Variants in AHI1 observed in about 807,000 individuals in gnomAD.
The protein encoded by AHI1 is jouberin.
In AHI1, 123 loss-of-function variants were observed where a neutral mutation model predicts 149.3. The observed-to-expected ratio is 0.82, with a 90% confidence interval of 0.71 to 0.96. AHI1 has a LOEUF of 0.96. AHI1 is among the 40% of genes least tolerant of loss of function. The pLI is 0.00. For missense variants in AHI1, 1,439 were observed against 1,422.7 expected, an observed-to-expected ratio of 1.01 and a Z score of -0.18; for synonymous variants, 475 against 459.8, an observed-to-expected ratio of 1.03 and a Z score of -0.42.
Position 135,455,853 on chromosome 6 carries a change from C to T in AHI1, c.1225G>A (p.Asp409Asn). The T allele has an allele frequency of 6.3e-7, 1 of 1,597,804 alleles. No homozygotes were observed. ...AGTCTTGATTTTAACTGTTTAAAATCATATGGCTGGGTCATAATAGGAAGA... is the reference window on the plus strand; with the variant it reads ...AGTCTTGATTTTAACTGTTTAAAATTATATGGCTGGGTCATAATAGGAAGA... The part of the protein sequence containing the change: ...YILPIMTQPY[D>N]FKQLKSRLPE... Residue 409 changes from aspartate (D) to asparagine (N), a missense_variant, in exon 10 of 29, where the codon GAT becomes AAT. Coordinates refer to ENST00000265602, the MANE Select transcript of AHI1 (RefSeq NM_001134831.2).
At chr6:135,376,432 A>G (rs1382414517) in intron 23 of AHI1, among the ~76,000 whole-genome samples, 1 of 152,216 alleles carries the variant, frequency 6.6e-6, no homozygotes, top group African/African-American at 2.4e-5. Flanking sequence ...AAACTTGACA[A>G]CACCAAAAGT....
intron 18 of AHI1, among the ~76,000 whole-genome samples, chr6:135,429,556 T>C (rs1448709385): frequency 6.6e-6 from 1 of 151,756 alleles, no homozygotes; most frequent in Non-Finnish European, 1.5e-5. Context: ...AATATCATTG[T>C]TGAAGGTAGA....
chr6:135,480,071 T>G (rs1448561599), intron 5 of AHI1, among the ~76,000 whole-genome samples: 1 of 152,208 alleles, frequency 6.6e-6, no homozygotes, highest in Non-Finnish European at 1.5e-5. Context: ...AAATCTCTTT[T>G]TTTCATAAAT....
intron 24 of AHI1, among the ~76,000 whole-genome samples, chr6:135,346,815 G>A (rs1383494493): frequency 6.6e-6 from 1 of 152,102 alleles, no homozygotes; most frequent in African/African-American, 2.4e-5. Context: ...AAGTATAGCA[G>A]GTGTTTGTAA....
intron 7 of AHI1, 27 bp from the exon 8 acceptor site, chr6:135,463,333 A>T (rs1216427397): frequency 6.5e-7 from 1 of 1,528,462 alleles, no homozygotes; most frequent in Admixed American, 1.9e-5. Flanking sequence ...AGTATCAGCC[A>T]TTACAGATAT....
chr6:135,447,467 C>T (rs1298462679), intron 12 of AHI1, among the ~76,000 whole-genome samples: 1 of 152,110 alleles, frequency 6.6e-6, no homozygotes, highest in Non-Finnish European at 1.5e-5. Context: ...TGAGTTATGC[C>T]ATGGCTCTGA....
intron 5 of AHI1, among the ~76,000 whole-genome samples, chr6:135,489,476 C>T (rs1457637295): frequency 6.6e-6 from 1 of 152,128 alleles, no homozygotes; most frequent in Non-Finnish European, 1.5e-5. Flanking sequence ...ACAACTGTTT[C>T]CAGGGTTCTT....
chr6:135,335,981 A>C (rs1425767512), intron 24 of AHI1, among the ~76,000 whole-genome samples: 1 of 151,646 alleles, frequency 6.6e-6, no homozygotes, highest in Non-Finnish European at 1.5e-5. Context: ...GGCGTGGTGG[A>C]GCACGCCTGT....
intron 13 of AHI1, among the ~76,000 whole-genome samples, chr6:135,444,198 T>A (rs1272218881): frequency 2.0e-5 from 3 of 152,172 alleles, no homozygotes; most frequent in Admixed American, 6.5e-5. Context: ...ACCTCACACA[T>A]CAATGACTGC....
chr6:135,324,360 AG>A (rs1787322905), intron 24 of AHI1, among the ~76,000 whole-genome samples: 1 of 151,738 alleles, frequency 6.6e-6, no homozygotes, highest in South Asian at 2.1e-4. Flanking sequence ...AATCCCTTAT[AG>A]TAGTTAAAGG....
chr6:135,481,856 G>A (rs1793704241), intron 5 of AHI1, among the ~76,000 whole-genome samples: 1 of 149,424 alleles, frequency 6.7e-6, no homozygotes, highest in African/African-American at 2.4e-5. Flanking sequence ...TTTGAGGACC[G>A]AGAATTTTAG....
intron 22 of AHI1, among the ~76,000 whole-genome samples, chr6:135,402,979 ATGT>A (rs956632048): frequency 1.3e-5 from 2 of 152,150 alleles, no homozygotes; most frequent in African/African-American, 4.8e-5. Context: ...TCACTGATAT[ATGT>A]TACAAATAGA....
At position 135,325,802 on chromosome 6, in the gene AHI1, G is replaced by A. The variant is rs561036504; in HGVS notation, c.3166-2478C>T. On this transcript the variant is annotated intron_variant, in intron 24 of 28. Transcript: ENST00000265602. ...AGTCTCATGCAAAGATGAGATTAATGTATGCTTATTTGTCTGGAGCCCTAG... is the reference window on the plus strand; with the variant it reads ...AGTCTCATGCAAAGATGAGATTAATATATGCTTATTTGTCTGGAGCCCTAG... 2.0e-5 allele frequency among the ~76,000 whole-genome samples: 3 copies of A among 152,274 alleles called. No homozygotes were observed. The East Asian group carries it at 5.8e-4, about 29-fold the overall frequency.
chr6:135,420,476 C>A (rs1469487594), intron 20 of AHI1, among the ~76,000 whole-genome samples: 1 of 152,148 alleles, frequency 6.6e-6, no homozygotes, highest in Admixed American at 6.6e-5. Context: ...TTTACTGTAG[C>A]CACCTTCATC....
intron 24 of AHI1, among the ~76,000 whole-genome samples, chr6:135,327,162 T>C (rs1262371294): frequency 6.6e-6 from 1 of 152,158 alleles, no homozygotes; most frequent in Non-Finnish European, 1.5e-5. Flanking sequence ...CAGTCTGTGG[T>C]ATTTTGTTAG....
Position 135,455,906 on chromosome 6 carries a change from T to C in AHI1, c.1172A>G (p.Tyr391Cys), listed in dbSNP as rs774793682. Residue 391 changes from tyrosine (Y) to cysteine (C), a missense_variant, in exon 10 of 29, where the codon TAC becomes TGC. Physicochemically the swap from Tyr to Cys is radical, Grantham distance 194. Transcript: ENST00000265602. ...ATAATCCACATTCTCTTTTTCATAG[T>C]AAGATGAAACAGGCCGTCCACTGTA... The part of the protein sequence containing the change: ...KDDSGRPVSS[Y>C]YEKENVDYIL... The C allele has an allele frequency of 9.3e-6, 14 of 1,511,358 alleles. No homozygotes were observed. Among genetic ancestry groups the C allele is most frequent in the African/African-American group, 1.4e-5 (1 of 72,690 alleles). The allele number at this position is 1,511,358 out of a possible 1,614,324, so 93.6% of individuals were successfully genotyped here.
intron 26 of AHI1, among the ~76,000 whole-genome samples, chr6:135,317,635 T>C (rs553977932): frequency 3.7e-4 from 56 of 152,240 alleles, no homozygotes; most frequent in African/African-American, 1.3e-3. Context: ...TGCACCAGCC[T>C]GTAAGCAACT....
chr6:135,317,609 C>A (rs1786166383), intron 26 of AHI1, among the ~76,000 whole-genome samples: 1 of 151,980 alleles, frequency 6.6e-6, no homozygotes, highest in African/African-American at 2.4e-5. Context: ...ACTGGACTTG[C>A]TTGCTTGCAG....
rs116515646 is a variant in AHI1, at chr6:135,428,882, A to T, written c.2493-123T>A. On this transcript the variant is annotated intron_variant, in intron 18 of 28. Coordinates refer to ENST00000265602, the MANE Select transcript of AHI1 (RefSeq NM_001134831.2). ...CAAACATTTTTTGAGAATCTGCCATATGGGAGACATTCTATAATATAATGG... is the reference window on the plus strand; with the variant it reads ...CAAACATTTTTTGAGAATCTGCCATTTGGGAGACATTCTATAATATAATGG... The T allele has an allele frequency of 4.2e-3, 3,364 of 809,582 alleles. 73 individuals carry two copies. In the African/African-American group the frequency reaches 0.051, roughly 12 times the overall value. The allele number at this position is 809,582 out of a possible 1,614,324, so 50.1% of individuals were successfully genotyped here.
Sources: gnomAD v4.1 joint callset for allele counts (sites outside exome capture counted in the v4.1 genomes callset) on GRCh38, gnomAD v4.1.1 for gene constraint, MANE v1.5 for transcripts, NCBI Gene and HGNC (gene_info 2026-07-23, HGNC 2026-07-21) for gene names.